CEP164: variants seen among roughly 807,000 people sequenced by gnomAD.
CEP164 encodes the protein centrosomal protein 164, also known as centrosomal protein of 164 kDa.
CEP164 carries 162 observed loss-of-function variants against 182.7 expected under a neutral mutation model. The observed-to-expected ratio is 0.89, with a 90% CI of 0.78 to 1.01. CEP164 has a LOEUF of 1.01. CEP164 is among the 50% of genes least tolerant of loss of function. The pLI is 0.00. For synonymous variants in CEP164, 661 were observed against 690.0 expected (o/e 0.96, Z 0.66); for missense variants, 1,735 against 1,790.4 (o/e 0.97, Z 0.56).
Position 117,411,514 on chromosome 11 carries a change from CT to C in CEP164, c.4164-278del. 1 of 392,012 alleles carries C rather than the reference CT, an allele frequency of 2.6e-6. No homozygotes were observed. Among genetic ancestry groups the C allele is most frequent in the Non-Finnish European group, 4.7e-6 (1 of 211,898 alleles). The allele number at this position is 392,012 out of a possible 1,614,324, so 24.3% of individuals were successfully genotyped here. A position where few individuals can be genotyped will look rare whatever the true frequency, so the allele number is the denominator to read the frequency against. On this transcript the variant is annotated intron_variant, in intron 31 of 32. Coordinates refer to ENST00000278935, the MANE Select transcript of CEP164 (RefSeq NM_014956.5). The surrounding 1 kb of genome is among the most constrained non-coding windows in gnomAD (Gnocchi z 4.4). ...AGGATTGAGTTGACAGAGGGGAGCGCTTTGCTGATGAGATTGGCGGGAGCAG... is the reference window on the plus strand; with the variant it reads ...AGGATTGAGTTGACAGAGGGGAGCGCTTGCTGATGAGATTGGCGGGAGCAG...
intron 27 of CEP164, among the ~76,000 whole-genome samples, chr11:117,404,956 G>A (rs1277383693): frequency 1.3e-5 from 2 of 152,198 alleles, no homozygotes; most frequent in African/African-American, 4.8e-5. Flanking sequence ...TACACTGTGA[G>A]GGGAAAACCT....
intron 17 of CEP164, 93 bp downstream of exon 17, chr11:117,391,308 G>A (rs968872901): frequency 2.9e-5 from 36 of 1,247,642 alleles, no homozygotes; most frequent in Admixed American, 4.2e-5. Flanking sequence ...GGCAAGTCTC[G>A]GGTGGGCGTG....
At chr11:117,337,995 C>A (rs2037476148) in intron 2 of CEP164, among the ~76,000 whole-genome samples, 1 of 152,148 alleles carries the variant, frequency 6.6e-6, no homozygotes, top group Non-Finnish European at 1.5e-5. Flanking sequence ...GCCTTCCTTC[C>A]TTCCTTCCTT....
chr11:117,356,920 G>A (rs17120640), intron 5 of CEP164, among the ~76,000 whole-genome samples: 1,762 of 152,210 alleles, frequency 0.012, 12 homozygotes, highest in Admixed American at 0.019. Context: ...TGAGCAGAAC[G>A]TCGCTAATCC....
chr11:117,389,228 A>T (rs1353146961), intron 15 of CEP164, among the ~76,000 whole-genome samples: 1 of 152,202 alleles, frequency 6.6e-6, no homozygotes, highest in Non-Finnish European at 1.5e-5. Context: ...CTGAGCGCAC[A>T]GCACACATCC....
intron 4 of CEP164, among the ~76,000 whole-genome samples, chr11:117,348,095 G>A (rs990121848): frequency 7.2e-5 from 11 of 151,970 alleles, no homozygotes; most frequent in Admixed American, 1.3e-4. Context: ...TCAGCTTCCC[G>A]AGTAGCTGGG....
intron 27 of CEP164, among the ~76,000 whole-genome samples, chr11:117,402,225 C>G (rs1303913690): frequency 7.1e-6 from 1 of 141,204 alleles, no homozygotes; most frequent in Non-Finnish European, 1.6e-5. Flanking sequence ...CTTTTCTTGT[C>G]TTTTTTTTTT....
intron 15 of CEP164, among the ~76,000 whole-genome samples, chr11:117,388,367 G>A (rs1426231167): frequency 6.6e-6 from 1 of 152,236 alleles, no homozygotes; most frequent in Non-Finnish European, 1.5e-5. Context: ...CTTTTCAATG[G>A]AAATCAATGC....
chr11:117,322,603 C>T (rs1374798881), intron 1 of CEP164, among the ~76,000 whole-genome samples: 2 of 151,586 alleles, frequency 1.3e-5, no homozygotes, highest in Non-Finnish European at 2.9e-5. Context: ...GTTGCCCAAG[C>T]TGGAGTGCAT....
intron 27 of CEP164, among the ~76,000 whole-genome samples, chr11:117,405,157 G>T (rs1260484033): frequency 6.6e-6 from 1 of 152,138 alleles, no homozygotes; most frequent in Non-Finnish European, 1.5e-5. Flanking sequence ...TTCCAGAGGA[G>T]TGAATGGTTC....
intron 12 of CEP164, among the ~76,000 whole-genome samples, chr11:117,381,407 G>A (rs2043301127): frequency 6.6e-6 from 1 of 152,104 alleles, no homozygotes; most frequent in African/African-American, 2.4e-5. Context: ...CTGGGGATGG[G>A]TATACTTGTG....
intron 27 of CEP164, among the ~76,000 whole-genome samples, chr11:117,397,516 A>G (rs1242766781): frequency 6.6e-6 from 1 of 152,254 alleles, no homozygotes; most frequent in African/African-American, 2.4e-5. Flanking sequence ...AAACCTCATG[A>G]TAACACTATT....
chr11:117,369,337 C>T (rs936580083), intron 8 of CEP164, among the ~76,000 whole-genome samples: 2 of 152,202 alleles, frequency 1.3e-5, no homozygotes, highest in East Asian at 3.8e-4. Context: ...GTGAAAGAAA[C>T]TGAGGCACAT....
At chr11:117,396,031 C>G in intron 24 of CEP164, 23 bp from the exon 25 acceptor site, 2 of 1,613,994 alleles carry the variant, frequency 1.2e-6, no homozygotes, top group East Asian at 2.2e-5. Context: ...TGCCCTGCCT[C>G]TCACTCATCT....
At chr11:117,326,463 C>G (rs1770081091), upstream of CEP164, among the ~76,000 whole-genome samples, 1 of 151,844 alleles carries the variant, frequency 6.6e-6, no homozygotes, top group African/African-American at 2.4e-5. Flanking sequence ...GAACTCCTGA[C>G]CTTAGGTGAT....
chr11:117,351,540 T>C (rs7926760), intron 4 of CEP164, among the ~76,000 whole-genome samples: 34,803 of 152,058 alleles, frequency 0.23, 4,943 homozygotes, highest in Non-Finnish European at 0.33. Context: ...ATCTAGAGAT[T>C]AGGTATCCCA....
At chr11:117,351,742 C>CTTTTTT in intron 4 of CEP164, 48 bp from the exon 5 acceptor site, 1 of 1,367,636 alleles carries the variant, frequency 7.3e-7, no homozygotes, top group Non-Finnish European at 9.7e-7. Flanking sequence ...TTTTTTTCTT[C>CTTTTTT]TTTTGTATCT....
rs1168571708 is a variant in CEP164, at chr11:117,397,271, A to G, written c.3459A>G (p.Pro1153=). 1 of 1,613,920 alleles carries G rather than the reference A, an allele frequency of 6.2e-7. No homozygotes were observed. Among genetic ancestry groups the G allele is most frequent in the African/African-American group, 1.3e-5 (1 of 75,056 alleles). The change falls in exon 27 of 33, where the codon CCA becomes CCG. Residue 1153 remains proline, a synonymous_variant. Transcript: ENST00000278935. ...ASAQEVAKDP[P]GIKALEDMRK... is the part of the protein sequence containing the mutation. ...CGCAGGAGGTGGCCAAAGACCCACCAGGCATCAAGGCCCTGGAAGATATGC... is the reference window on the plus strand; with the variant it reads ...CGCAGGAGGTGGCCAAAGACCCACCGGGCATCAAGGCCCTGGAAGATATGC...
chr11:117,407,707 G>C (rs1244280718), intron 27 of CEP164, among the ~76,000 whole-genome samples: 1 of 152,146 alleles, frequency 6.6e-6, no homozygotes, highest in Non-Finnish European at 1.5e-5. Flanking sequence ...CCATCTGAGA[G>C]TTTTTAAGGT....
Sources: gnomAD v4.1 joint callset for allele counts (sites outside exome capture counted in the v4.1 genomes callset) on GRCh38, gnomAD v4.1.1 for gene constraint, Gnocchi (gnomAD v3.1) non-coding constraint, MANE v1.5 for transcripts, NCBI Gene and HGNC (gene_info 2026-07-23, HGNC 2026-07-21) for gene names.